Variants in ST3GAL3 observed in about 807,000 individuals in gnomAD.
ST3GAL3 encodes CMP-N-acetylneuraminate-beta-1,4-galactoside alpha-2,3-sialyltransferase.
Under a neutral mutation model 50.1 loss-of-function variants are expected in ST3GAL3, and 21 were observed. The observed-to-expected ratio is 0.42, with a 90% CI of 0.30 to 0.60. The LOEUF (loss-of-function observed/expected upper bound fraction) is 0.60, where lower values mean the gene tolerates loss of function less well. Ranked by LOEUF, ST3GAL3 falls within the 20% of genes least tolerant of loss-of-function variation. ST3GAL3 has a pLI of 0.19. For missense variants in ST3GAL3, 353 were observed against 489.4 expected, an observed-to-expected ratio of 0.72 and a Z score of 2.63; for synonymous variants, 183 against 190.0, an observed-to-expected ratio of 0.96 and a Z score of 0.30.
chr1:43,769,566 C>T (rs1157005817), intron 2 of ST3GAL3, among the ~76,000 whole-genome samples: 1 of 152,020 alleles, frequency 6.6e-6, no homozygotes, highest in African/African-American at 2.4e-5. Context: ...AATATAATAT[C>T]TGGTAATAGG....
Position 43,899,634 on chromosome 1 carries a change from T to G in ST3GAL3, c.651T>G (p.Pro217=), listed in dbSNP as rs2077949588. The G allele has an allele frequency of 3.1e-6, 5 of 1,614,176 alleles. No individual in the cohort carries two copies. The highest frequency in any genetic ancestry group is 4.2e-6 in the Non-Finnish European group (5 of 1,180,052). The change falls in exon 9 of 12, where the codon CCT becomes CCG. Residue 217 remains proline (P), a synonymous_variant. Coordinates refer to ENST00000347631, the MANE Select transcript of ST3GAL3 (RefSeq NM_006279.5). The surrounding 1 kb of genome is among the most constrained non-coding windows in gnomAD (Gnocchi z 5.4). ...ACCCCGAGGGCGCCATGCAGCGGCC[T>G]GAGCAGTACGAGCGCGATTCTCTCT... ...ITYPEGAMQR[P]EQYERDSLFV...
chr1:43,879,019 G>T (rs1396148457), intron 5 of ST3GAL3: 1 of 456,122 alleles, frequency 2.2e-6, no homozygotes, highest in Admixed American at 2.4e-5. Context: ...AGTGATACGT[G>T]CTTACAGAGA....
chr1:43,906,189 C>T (rs1258260175), intron 9 of ST3GAL3, among the ~76,000 whole-genome samples: 9 of 116,432 alleles, frequency 7.7e-5, no homozygotes, highest in Admixed American at 1.7e-4. Flanking sequence ...CTCTTCCTCC[C>T]CCTCCTCCTG....
intron 2 of ST3GAL3, among the ~76,000 whole-genome samples, chr1:43,749,400 C>T (rs1158644287): frequency 6.6e-6 from 1 of 152,120 alleles, no homozygotes; most frequent in African/African-American, 2.4e-5. Flanking sequence ...TGACAAGATA[C>T]ATTGGGCAAA....
intron 11 of ST3GAL3, among the ~76,000 whole-genome samples, chr1:43,925,314 G>A (rs1292068614): frequency 1.2e-4 from 7 of 58,494 alleles, no homozygotes; most frequent in Admixed American, 3.9e-4. Context: ...AAAAAAAAGA[G>A]TGTAGCTTCT....
At chr1:43,731,019 A>G (rs1005170656) in intron 1 of ST3GAL3, among the ~76,000 whole-genome samples, 4 of 152,034 alleles carry the variant, frequency 2.6e-5, no homozygotes, top group Non-Finnish European at 5.9e-5. Context: ...TTATGTATGT[A>G]CTAGATACTT....
rs2058152173 is a variant in ST3GAL3, at chr1:43,792,090, C to T, written c.119-12C>T. 1 of 1,614,186 alleles carries T rather than the reference C, an allele frequency of 6.2e-7. No homozygotes were observed. Among genetic ancestry groups the T allele is most frequent in the African/African-American group, 1.3e-5 (1 of 75,052 alleles). On this transcript the variant is annotated splice_polypyrimidine_tract_variant and intron_variant, in intron 2 of 11. Transcript: ENST00000347631. ...AAGGAGAAAGAAATGAACTTGTCCT[C>T]TTGTGTTGCAGATTCAGTGGTTCTT... is the stretch of plus-strand genomic sequence containing the variant.
chr1:43,791,030 A>C (rs2058014642), intron 2 of ST3GAL3, among the ~76,000 whole-genome samples: 1 of 152,152 alleles, frequency 6.6e-6, no homozygotes, highest in Non-Finnish European at 1.5e-5. Context: ...GCTCTGGAGC[A>C]CCAGACTCCA....
intron 4 of ST3GAL3, among the ~76,000 whole-genome samples, chr1:43,815,634 C>T (rs887521619): frequency 6.6e-6 from 1 of 152,148 alleles, no homozygotes; most frequent in African/African-American, 2.4e-5. Flanking sequence ...GACCTTTATT[C>T]TCTTTATGAT....
At chr1:43,905,948 C>T (rs1474933271) in intron 9 of ST3GAL3, among the ~76,000 whole-genome samples, 1 of 96,682 alleles carries the variant, frequency 1.0e-5, no homozygotes, top group African/African-American at 4.1e-5. Context: ...TCCTCCTGCT[C>T]CTCTCCCACC....
At chr1:43,815,100 C>A in intron 4 of ST3GAL3, 167 bp downstream of exon 4, 2 of 751,338 alleles carry the variant, frequency 2.7e-6, no homozygotes, top group South Asian at 3.0e-5. Flanking sequence ...CAGTCTGCAG[C>A]GGCCAGAGAG....
intron 5 of ST3GAL3, chr1:43,850,498 CT>C: frequency 2.8e-5 from 18 of 634,324 alleles, no homozygotes; most frequent in South Asian, 4.3e-5. Context: ...TTTTGGAAGC[CT>C]TTTTCCAAAA....
At chr1:43,719,934 GAAAAAAAA>G (rs148364295) in intron 1 of ST3GAL3, among the ~76,000 whole-genome samples, 813 of 41,724 alleles carry the variant, frequency 0.019, 4 homozygotes, top group African/African-American at 0.08. Flanking sequence ...CTCTGTCTCA[GAAAAAAAA>G]AAAAAAAAAA....
intron 3 of ST3GAL3, among the ~76,000 whole-genome samples, chr1:43,795,314 C>T (rs908762388): frequency 5.3e-5 from 8 of 152,156 alleles, no homozygotes; most frequent in Non-Finnish European, 1.0e-4. Flanking sequence ...TCCACTGATT[C>T]CCTCTTAGTG....
At chr1:43,765,911 A>C (rs1021921906) in intron 2 of ST3GAL3, among the ~76,000 whole-genome samples, 1 of 136,538 alleles carries the variant, frequency 7.3e-6, no homozygotes, top group African/African-American at 2.8e-5. Flanking sequence ...CAGCCATAAC[A>C]GGATTGATGT....
intron 5 of ST3GAL3, chr1:43,879,154 C>A: frequency 2.2e-6 from 1 of 447,186 alleles, no homozygotes; most frequent in Non-Finnish European, 4.5e-6. Context: ...AACATAGAAC[C>A]AGCCTTGGAA....
In ST3GAL3 at chr1:43,737,008, G is replaced by C. The variant is rs1402419929; in HGVS notation, c.118+628G>C. 3 of 180,558 alleles carry C rather than the reference G, an allele frequency of 1.7e-5. No individual in the cohort carries two copies. Among genetic ancestry groups the C allele is most frequent in the African/African-American group, 7.2e-5 (3 of 41,564 alleles). 11.2% of individuals were successfully genotyped at this position (180,558 alleles called of 1,614,324 possible). ...CCTGAATCCCACTGGTTTGGTTTCT[G>C]TTTACCTGATGTGGCCTGTGTTTTG... On this transcript the variant is annotated intron_variant, in intron 2 of 11. Transcript: ENST00000347631. This position sits in a 1 kb window ranked among gnomAD's most constrained non-coding sequence, Gnocchi z 4.0.
intron 5 of ST3GAL3, among the ~76,000 whole-genome samples, chr1:43,888,116 A>G (rs1186011970): frequency 1.4e-4 from 21 of 152,236 alleles, no homozygotes; most frequent in Admixed American, 1.4e-3. Flanking sequence ...GGATAGTCTT[A>G]GAAGAGGTAA....
At position 43,921,079 on chromosome 1, in the gene ST3GAL3, C is replaced by T. The variant is rs1056142450; in HGVS notation, c.1038+151C>T. 4 of 918,740 alleles carry T rather than the reference C, an allele frequency of 4.4e-6. No homozygotes were observed. The African/African-American group carries it at 6.6e-5, about 15-fold the overall frequency. 56.9% of individuals were successfully genotyped at this position (918,740 alleles called of 1,614,324 possible). ...AGCATCCTACGTGCCCTCTCCACAG[C>T]CTCCCACTGAACCCAGGGCCTTCTC... On this transcript the variant is annotated intron_variant, in intron 11 of 11. Transcript: ENST00000347631.
Sources: gnomAD v4.1 joint callset for allele counts (sites outside exome capture counted in the v4.1 genomes callset) on GRCh38, gnomAD v4.1.1 for gene constraint, Gnocchi (gnomAD v3.1) non-coding constraint, MANE v1.5 for transcripts, NCBI Gene and HGNC (gene_info 2026-07-23, HGNC 2026-07-21) for gene names.